WDR70: variants seen among roughly 807,000 people sequenced by gnomAD.
The protein encoded by WDR70 is WD repeat-containing protein 70.
Under a neutral mutation model 88.6 loss-of-function variants are expected in WDR70, and 53 were observed. The ratio of observed to expected loss-of-function variants is 0.60; its 90% confidence interval spans 0.48 to 0.75. WDR70 has a LOEUF of 0.75. Ranked by LOEUF, WDR70 falls within the 30% of genes least tolerant of loss-of-function variation. The probability of loss-of-function intolerance (pLI) is 0.00; values close to 1 mark genes in which losing one functional copy is unlikely to be tolerated. For missense variants in WDR70, 610 were observed against 823.2 expected (o/e 0.74, Z 3.17); for synonymous variants, 280 against 270.0 (o/e 1.04, Z -0.36).
chr5:37,415,637 A>ACGGGGCGGCTGGCCGGG (rs1749703709), intron 5 of WDR70, among the ~76,000 whole-genome samples: 1 of 138,796 alleles, frequency 7.2e-6, no homozygotes, highest in Non-Finnish European at 1.6e-5. Flanking sequence ...TCCCTCCCGG[A>ACGGGGCGGCTGGCCGGG]CGGGGCGGCT....
chr5:37,743,761 T>A (rs762437038), intron 17 of WDR70, among the ~76,000 whole-genome samples: 1 of 152,170 alleles, frequency 6.6e-6, no homozygotes, highest in African/African-American at 2.4e-5. Context: ...AGGGACAGAA[T>A]TGGGATCTCC....
intron 9 of WDR70, among the ~76,000 whole-genome samples, chr5:37,576,905 G>A (rs1743077532): frequency 6.6e-6 from 1 of 152,102 alleles, no homozygotes; most frequent in African/African-American, 2.4e-5. Context: ...AAGACAGGGA[G>A]TTCAGCTCAG....
At chr5:37,635,948 C>A (rs888879446) in intron 10 of WDR70, among the ~76,000 whole-genome samples, 1 of 152,190 alleles carries the variant, frequency 6.6e-6, no homozygotes, top group Non-Finnish European at 1.5e-5. Flanking sequence ...CACGGCACTT[C>A]TTGCTGCTGC....
At chr5:37,457,887 C>T (rs1238177889) in intron 7 of WDR70, among the ~76,000 whole-genome samples, 2 of 151,740 alleles carry the variant, frequency 1.3e-5, no homozygotes, top group Non-Finnish European at 2.9e-5. Flanking sequence ...TGAGAGAGGG[C>T]ATCCCTGTCT....
At chr5:37,428,443 C>A (rs554660803) in intron 5 of WDR70, among the ~76,000 whole-genome samples, 24 of 152,240 alleles carry the variant, frequency 1.6e-4, no homozygotes, top group African/African-American at 5.5e-4. Context: ...CTCCATTTAC[C>A]CCTAATCCCA....
chr5:37,668,567 T>G (rs1047061999), intron 10 of WDR70, among the ~76,000 whole-genome samples: 15 of 152,206 alleles, frequency 9.9e-5, no homozygotes, highest in African/African-American at 3.6e-4. Context: ...ACTTGTGCAT[T>G]AGCCATAAGG....
chr5:37,424,148 C>CAA (rs11304949), intron 5 of WDR70, among the ~76,000 whole-genome samples: 90 of 55,486 alleles, frequency 1.6e-3, no homozygotes, highest in South Asian at 3.3e-3. Context: ...GACTCCATCT[C>CAA]AAAAAAAAAA....
chr5:37,379,586 C>T (rs1748357137), intron 2 of WDR70, 32 bp downstream of exon 2: 1 of 1,612,320 alleles, frequency 6.2e-7, no homozygotes, highest in Non-Finnish European at 8.5e-7. Flanking sequence ...AGACCCTCTT[C>T]CTTGTGCAGA....
intron 8 of WDR70, among the ~76,000 whole-genome samples, chr5:37,486,644 C>G (rs556881169): frequency 9.2e-5 from 14 of 152,114 alleles, no homozygotes; most frequent in Non-Finnish European, 1.6e-4. Context: ...CATGCCCGGC[C>G]TTGACTTTTT....
chr5:37,698,003 A>G (rs75754613), intron 11 of WDR70: 24,465 of 348,114 alleles, frequency 0.07, 1,033 homozygotes, highest in South Asian at 0.13. Context: ...TTCAAATTCC[A>G]TAAGAGTTTG....
At position 37,410,589 on chromosome 5, in the gene WDR70, G is replaced by A. The variant is rs57985484; in HGVS notation, c.492+14019G>A. Among the ~76,000 whole-genome samples the A allele has an allele frequency of 5.9e-5, 9 of 152,022 alleles. No homozygotes were observed. In the South Asian group the frequency reaches 1.9e-3, roughly 32 times the overall value. ...CCTTTCTTTTCCAATCATATATTAA[G>A]ACCTCAAGTACAGGAACTTTTGTAT... is the stretch of plus-strand genomic sequence containing the variant. On this transcript the variant is annotated intron_variant, in intron 5 of 17. Transcript: ENST00000265107.
intron 10 of WDR70, among the ~76,000 whole-genome samples, chr5:37,636,129 T>C (rs570320077): frequency 6.6e-6 from 1 of 152,318 alleles, no homozygotes; most frequent in South Asian, 2.1e-4. Context: ...TACAATGATA[T>C]TAGTCAAGTT....
chr5:37,444,177 AC>A (rs1738385222), intron 7 of WDR70, among the ~76,000 whole-genome samples: 1 of 151,684 alleles, frequency 6.6e-6, no homozygotes, highest in Non-Finnish European at 1.5e-5. Context: ...AAAAAACAAA[AC>A]TTTGTTTTAA....
chr5:37,728,180 A>G (rs554327625), intron 17 of WDR70, among the ~76,000 whole-genome samples: 1 of 151,672 alleles, frequency 6.6e-6, no homozygotes, highest in Non-Finnish European at 1.5e-5. Flanking sequence ...AAAGCCCATC[A>G]CTACTAAAAA....
chr5:37,395,812 CTG>C (rs776222749), intron 4 of WDR70, among the ~76,000 whole-genome samples: 2 of 151,918 alleles, frequency 1.3e-5, no homozygotes, highest in Non-Finnish European at 2.9e-5. Context: ...TATTATATAT[CTG>C]TATTTTGAGA....
chr5:37,519,972 C>T (rs1581360139), intron 9 of WDR70, among the ~76,000 whole-genome samples: 1 of 152,286 alleles, frequency 6.6e-6, no homozygotes, highest in East Asian at 1.9e-4. Context: ...TGTATCTGCT[C>T]ATCCATGACT....
intron 17 of WDR70, among the ~76,000 whole-genome samples, chr5:37,736,674 G>T (rs1362186079): frequency 6.7e-6 from 1 of 150,174 alleles, no homozygotes; most frequent in Non-Finnish European, 1.5e-5. Flanking sequence ...CAGATTTCTG[G>T]ACTCCATCCT....
chr5:37,627,190 G>T (rs575585764), intron 10 of WDR70, among the ~76,000 whole-genome samples: 3 of 152,178 alleles, frequency 2.0e-5, no homozygotes, highest in Admixed American at 2.0e-4. Flanking sequence ...CTGAGCTCAG[G>T]TGATCATCCT....
At chr5:37,685,124 G>C in intron 10 of WDR70, among the ~76,000 whole-genome samples, 1 of 152,074 alleles carries the variant, frequency 6.6e-6, no homozygotes, top group Non-Finnish European at 1.5e-5. Context: ...ACTGGGATGG[G>C]GTGCTGGTGG....
Sources: allele counts gnomAD v4.1 joint callset (sites outside exome capture counted in the v4.1 genomes callset), GRCh38; gene constraint gnomAD v4.1.1; transcripts MANE v1.5; gene names NCBI Gene and HGNC (gene_info 2026-07-23, HGNC 2026-07-21).